SLC35F3: variants seen among roughly 807,000 people sequenced by gnomAD.
SLC35F3 encodes putative thiamine transporter SLC35F3.
SLC35F3 carries 25 observed loss-of-function variants against 49.9 expected under a neutral mutation model. The ratio of observed to expected loss-of-function variants is 0.50; its 90% CI spans 0.37 to 0.70. The LOEUF (loss-of-function observed/expected upper bound fraction) is 0.70, where lower values mean the gene tolerates loss of function less well. Ranked by LOEUF, SLC35F3 falls within the 30% of genes least tolerant of loss-of-function variation. The pLI, the probability that SLC35F3 is intolerant of heterozygous loss-of-function variation, is 0.00. For synonymous variants in SLC35F3, 275 were observed against 265.4 expected (o/e 1.04, Z -0.35); for missense variants, 525 against 639.8 (o/e 0.82, Z 1.94).
chr1:234,210,930 C>T (rs1035913694), intron 2 of SLC35F3, among the ~76,000 whole-genome samples: 1 of 152,254 alleles, frequency 6.6e-6, no homozygotes, highest in Non-Finnish European at 1.5e-5. Flanking sequence ...CCTTCCATCA[C>T]AGGCCCGGAA....
At chr1:234,100,726 A>G (rs968839004) in intron 2 of SLC35F3, among the ~76,000 whole-genome samples, 1 of 152,216 alleles carries the variant, frequency 6.6e-6, no homozygotes, top group Admixed American at 6.5e-5. Context: ...GACCCTTTCT[A>G]TCTATACCTA....
At chr1:234,178,629 A>G (rs996000815) in intron 2 of SLC35F3, among the ~76,000 whole-genome samples, 9 of 151,508 alleles carry the variant, frequency 5.9e-5, no homozygotes, top group African/African-American at 1.9e-4. Flanking sequence ...CTGACACATC[A>G]TCACCACCCA....
At position 234,178,583 on chromosome 1, in the gene SLC35F3, T is replaced by C. The variant is rs563421366; in HGVS notation, c.284-52834T>C. Among the ~76,000 whole-genome samples the C allele has an allele frequency of 2.6e-5, 4 of 152,280 alleles. No homozygotes were observed. In the East Asian group the frequency reaches 5.8e-4, roughly 22 times the overall value. ...CTGCCACACTGTCAGCATCCCCCAG[T>C]GGTGTGCTGCATTTGCTACCATTCA... On this transcript the variant is annotated intron_variant, in intron 2 of 7. Coordinates refer to ENST00000366618, the MANE Select transcript of SLC35F3 (RefSeq NM_173508.4).
chr1:234,115,039 G>C (rs542612786), intron 2 of SLC35F3, among the ~76,000 whole-genome samples: 94 of 152,244 alleles, frequency 6.2e-4, no homozygotes, highest in African/African-American at 2.2e-3. Flanking sequence ...AATATGATGA[G>C]GTCTTCTGGC....
At chr1:234,061,864 A>G (rs963230378) in intron 2 of SLC35F3, among the ~76,000 whole-genome samples, 1 of 151,816 alleles carries the variant, frequency 6.6e-6, no homozygotes, top group Non-Finnish European at 1.5e-5. Context: ...CATTGTCATC[A>G]TATCTTTATC....
At position 234,212,694 on chromosome 1, in the gene SLC35F3, T is replaced by C. The variant is rs374339538; in HGVS notation, c.284-18723T>C. 1.1e-3 allele frequency: 170 copies of C among 152,340 alleles called. 1 individual carries two copies. Among genetic ancestry groups the C allele is most frequent in the African/African-American group, 3.8e-3 (160 of 41,572 alleles). 9.4% of individuals were successfully genotyped at this position (152,340 alleles called of 1,614,324 possible). On this transcript the variant is annotated intron_variant, in intron 2 of 7. Coordinates refer to ENST00000366618, the MANE Select transcript of SLC35F3 (RefSeq NM_173508.4). ...AGCATGTGCTTAAAAACGTGTGCAA[T>C]TATTATGTGATATTTGTTTTAGTTA...
At chr1:234,284,501 CATGCATCTGGCAG>C (rs1200155718) in intron 3 of SLC35F3, among the ~76,000 whole-genome samples, 1 of 152,218 alleles carries the variant, frequency 6.6e-6, no homozygotes. Flanking sequence ...AGATAGGATT[CATGCATCTGGCAG>C]ATGCAAATGG....
intron 2 of SLC35F3, among the ~76,000 whole-genome samples, chr1:234,121,131 T>G: frequency 7.1e-6 from 1 of 141,308 alleles, no homozygotes; most frequent in East Asian, 2.4e-4. Flanking sequence ...GATGAAAAAT[T>G]ACTTTTTTTT....
At chr1:234,029,718 T>G (rs1157149852) in intron 2 of SLC35F3, among the ~76,000 whole-genome samples, 1 of 152,166 alleles carries the variant, frequency 6.6e-6, no homozygotes, top group East Asian at 1.9e-4. Context: ...GATTCTGGGC[T>G]GAACATGGTA....
intron 2 of SLC35F3, among the ~76,000 whole-genome samples, chr1:234,106,298 C>G (rs558340742): frequency 6.8e-4 from 103 of 152,152 alleles, no homozygotes; most frequent in Non-Finnish European, 8.8e-4. Flanking sequence ...AGGATTTCTT[C>G]CATGATAAAA....
intron 2 of SLC35F3, among the ~76,000 whole-genome samples, chr1:233,969,541 T>C (rs1662959059): frequency 6.6e-6 from 1 of 152,210 alleles, no homozygotes; most frequent in Non-Finnish European, 1.5e-5. Flanking sequence ...GAGAGGAAGA[T>C]TAGCTGTTTG....
At chr1:234,098,012 G>C (rs559814231) in intron 2 of SLC35F3, among the ~76,000 whole-genome samples, 157 of 151,820 alleles carry the variant, frequency 1.0e-3, no homozygotes, top group Admixed American at 2.4e-3. Context: ...GTTATAGGGT[G>C]ATGATGGAGG....
intron 2 of SLC35F3, among the ~76,000 whole-genome samples, chr1:234,148,541 G>A (rs1039012824): frequency 6.6e-6 from 1 of 152,204 alleles, no homozygotes; most frequent in African/African-American, 2.4e-5. Context: ...TAGAGAGGCA[G>A]GGAGAGCCAC....
chr1:234,131,759 T>G (rs1665739858), intron 2 of SLC35F3, among the ~76,000 whole-genome samples: 1 of 151,902 alleles, frequency 6.6e-6, no homozygotes, highest in Non-Finnish European at 1.5e-5. Context: ...TGGAGGGGAG[T>G]AGCTTTTAAT....
intron 2 of SLC35F3, among the ~76,000 whole-genome samples, chr1:234,137,738 A>G (rs6661503): frequency 0.32 from 48,507 of 152,140 alleles, 11,287 homozygotes; most frequent in East Asian, 0.74. Flanking sequence ...ACATCAAAGA[A>G]AGCAGGAGCA....
At chr1:234,047,712 CAG>C (rs1357326526) in intron 2 of SLC35F3, among the ~76,000 whole-genome samples, 2 of 148,680 alleles carry the variant, frequency 1.3e-5, no homozygotes, top group African/African-American at 5.1e-5. Context: ...CACACACACA[CAG>C]GATCTGTTAC....
intron 2 of SLC35F3, among the ~76,000 whole-genome samples, chr1:233,911,161 TGTTA>T (rs1340670389): frequency 6.6e-6 from 1 of 152,202 alleles, no homozygotes; most frequent in African/African-American, 2.4e-5. Flanking sequence ...CTAGCGTCCC[TGTTA>T]GTTCACCCTG....
chr1:234,137,921 G>C (rs949766399), intron 2 of SLC35F3, among the ~76,000 whole-genome samples: 5 of 152,158 alleles, frequency 3.3e-5, no homozygotes, highest in African/African-American at 1.2e-4. Context: ...GAAAAGGTTA[G>C]ATTTGGGTTG....
At chr1:234,292,351 C>T (rs1668522862) in intron 3 of SLC35F3, among the ~76,000 whole-genome samples, 1 of 152,198 alleles carries the variant, frequency 6.6e-6, no homozygotes, top group Admixed American at 6.5e-5. Context: ...ATTTTGACTC[C>T]CTTGACCCAC....
Sources: gnomAD v4.1 joint callset for allele counts (sites outside exome capture counted in the v4.1 genomes callset) on GRCh38, gnomAD v4.1.1 for gene constraint, MANE v1.5 for transcripts, NCBI Gene and HGNC (gene_info 2026-07-23, HGNC 2026-07-21) for gene names.